The following WIPF3 variants were observed in gnomAD, a reference collection of about 807,000 sequenced individuals.
WIPF3 encodes WAS/WASL-interacting protein family member 3.
WIPF3 carries 33 observed loss-of-function variants against 38.9 expected under a neutral mutation model. That is an observed-to-expected ratio of 0.85 (90% CI 0.64 to 1.14). WIPF3 has a LOEUF of 1.14. Ranked by LOEUF, WIPF3 falls within the 50% of genes most tolerant of loss-of-function variation. The pLI, the probability that WIPF3 is intolerant of heterozygous loss-of-function variation, is 0.00. For missense variants in WIPF3, 711 were observed against 652.5 expected, an observed-to-expected ratio of 1.09 and a Z score of -0.98; for synonymous variants, 324 against 269.3, an observed-to-expected ratio of 1.20 and a Z score of -1.99.
intron 1 of WIPF3, among the ~76,000 whole-genome samples, chr7:29,811,342 T>A (rs551284249): frequency 2.2e-4 from 34 of 152,264 alleles, no homozygotes; most frequent in Non-Finnish European, 1.5e-5. Flanking sequence ...TTCCATAAAG[T>A]GTTCAAGGAG....
intron 1 of WIPF3, among the ~76,000 whole-genome samples, chr7:29,819,436 T>G (rs889891595): frequency 6.6e-6 from 1 of 152,078 alleles, no homozygotes; most frequent in Non-Finnish European, 1.5e-5. Context: ...GGTAAGATGG[T>G]TACTTATTTT....
chr7:29,884,177 C>T lies in WIPF3; in HGVS notation c.683C>T (p.Pro228Leu). Residue 228 changes from proline to leucine, a missense_variant, in exon 5 of 9, where the codon CCG becomes CTG. Physicochemically the swap from Pro to Leu is moderately conservative, Grantham distance 98 (BLOSUM62 -3). Coordinates refer to ENST00000242140, the MANE Select transcript of WIPF3 (RefSeq NM_001080529.3). Reference protein sequence around the residue: ...PVPCAPPPPPPPPPPTPPPLP... With the variant: ...PVPCAPPPPPLPPPPTPPPLP... ...CCCTGTGCGCCACCACCTCCACCTC[C>T]GCCACCTCCCCCAACGCCACCCCCG... 6.6e-7 allele frequency: 1 copy of T among 1,525,112 alleles called. No homozygotes were observed. Among genetic ancestry groups the T allele is most frequent in the South Asian group, 1.2e-5 (1 of 81,162 alleles). 94.5% of individuals were successfully genotyped at this position (1,525,112 alleles called of 1,614,324 possible).
At chr7:29,852,277 A>G (rs80156398) in intron 2 of WIPF3, among the ~76,000 whole-genome samples, 1 of 152,248 alleles carries the variant, frequency 6.6e-6, no homozygotes, top group Non-Finnish European at 1.5e-5. Context: ...AAGCATAGGC[A>G]TGAGCCACGA....
chr7:29,879,240 C>A, intron 4 of WIPF3, 100 bp downstream of exon 4: 1 of 1,429,732 alleles, frequency 7.0e-7, no homozygotes, highest in Non-Finnish European at 9.6e-7. Context: ...CATGGTTTTA[C>A]TGAACGGGCA....
At chr7:29,902,444 C>A (rs559651946) in intron 7 of WIPF3, among the ~76,000 whole-genome samples, 1 of 151,872 alleles carries the variant, frequency 6.6e-6, no homozygotes, top group South Asian at 2.1e-4. Context: ...TTTTAGAGAC[C>A]CTTCTACGTG....
chr7:29,813,540 G>A (rs1166632101), intron 1 of WIPF3, among the ~76,000 whole-genome samples: 1 of 152,090 alleles, frequency 6.6e-6, no homozygotes, highest in East Asian at 1.9e-4. Flanking sequence ...GTAACTTATG[G>A]CACAATTAAG....
intron 1 of WIPF3, among the ~76,000 whole-genome samples, chr7:29,810,778 C>T (rs1784360498): frequency 6.6e-6 from 1 of 152,180 alleles, no homozygotes; most frequent in East Asian, 1.9e-4. Context: ...CATTTATTTG[C>T]TGTATGATCT....
At position 29,867,807 on chromosome 7, in the gene WIPF3, G is replaced by A. The variant is rs563205972; in HGVS notation, c.91-8023G>A. ...GGCTGAAATGTGACCTCAAAAAACA[G>A]CCACTTCTCTTCCCACACCTGCGTG... On this transcript the variant is annotated intron_variant, in intron 2 of 8. Transcript: ENST00000242140. Among the ~76,000 whole-genome samples the A allele has an allele frequency of 2.6e-5, 4 of 152,292 alleles. No homozygotes were observed. The East Asian group carries it at 7.7e-4, about 29-fold the overall frequency.
Position 29,878,651 on chromosome 7 carries a change from AG to A in WIPF3, c.224-357del, listed in dbSNP as rs1416309971. Among the ~76,000 whole-genome samples, 14 of 151,454 alleles carry A rather than the reference AG, an allele frequency of 9.2e-5. No homozygotes were observed. Among genetic ancestry groups the A allele is most frequent in the African/African-American group, 3.4e-4 (14 of 41,130 alleles). The stretch of plus-strand genomic sequence containing the variant: ...CCTCCATAGCCAAGTTGAAAATAAG[AG>A]CAGCTCTACACCTACCACATTTGGG... On this transcript the variant is annotated intron_variant, in intron 3 of 8. Coordinates refer to ENST00000242140, the MANE Select transcript of WIPF3 (RefSeq NM_001080529.3). The surrounding 1 kb of genome is among the most constrained non-coding windows in gnomAD (Gnocchi z 4.0).
chr7:29,909,481 A>G (rs542999988), intron 8 of WIPF3, among the ~76,000 whole-genome samples: 9 of 152,354 alleles, frequency 5.9e-5, no homozygotes, highest in Non-Finnish European at 1.3e-4. Flanking sequence ...TACTAATCCA[A>G]CTGAAATAAA....
At chr7:29,814,616 A>T (rs1784429028) in intron 1 of WIPF3, among the ~76,000 whole-genome samples, 3 of 152,108 alleles carry the variant, frequency 2.0e-5, no homozygotes, top group African/African-American at 7.2e-5. Context: ...TAGCTATTTG[A>T]TCTTGGGTGA....
At chr7:29,834,610 T>C in intron 1 of WIPF3, 58 bp from the exon 2 acceptor site, 2 of 1,351,646 alleles carry the variant, frequency 1.5e-6, no homozygotes, top group Non-Finnish European at 1.9e-6. Flanking sequence ...AAGATACACA[T>C]TTCCTGCATG....
At chr7:29,911,966 A>G (rs73305119) in intron 8 of WIPF3, among the ~76,000 whole-genome samples, 1,934 of 152,302 alleles carry the variant, frequency 0.013, 35 homozygotes, top group African/African-American at 0.043. Context: ...TTTGCATATC[A>G]AAGACAATAT....
intron 2 of WIPF3, among the ~76,000 whole-genome samples, chr7:29,854,973 A>G (rs953451808): frequency 1.3e-5 from 2 of 152,180 alleles, no homozygotes; most frequent in African/African-American, 2.4e-5. Context: ...CTCTGAGAAA[A>G]TAAGTGTCTG....
rs1562770163 is a variant in WIPF3, at chr7:29,820,834, A to G, written c.-57-13834A>G. 3.9e-5 allele frequency among the ~76,000 whole-genome samples: 6 copies of G among 152,200 alleles called. No individual in the cohort carries two copies. The South Asian group carries it at 1.0e-3, about 26-fold the overall frequency. ...ATTTTGATTTATTAACTTTAAAGGTATTATGCTTGAGTATAATAGCTAAGG... is the reference window on the plus strand; with the variant it reads ...ATTTTGATTTATTAACTTTAAAGGTGTTATGCTTGAGTATAATAGCTAAGG... On this transcript the variant is annotated intron_variant, in intron 1 of 8. Coordinates refer to ENST00000242140, the MANE Select transcript of WIPF3 (RefSeq NM_001080529.3).
chr7:29,842,581 C>T (rs1366211801), intron 2 of WIPF3, among the ~76,000 whole-genome samples: 1 of 152,082 alleles, frequency 6.6e-6, no homozygotes, highest in Admixed American at 6.6e-5. Context: ...AGTGGGCTTT[C>T]GAGTAGGAAA....
chr7:29,903,099 C>A (rs962215655), intron 7 of WIPF3, among the ~76,000 whole-genome samples: 4 of 151,892 alleles, frequency 2.6e-5, no homozygotes, highest in African/African-American at 9.7e-5. Context: ...TTAAGACCAG[C>A]CTGGGAAACA....
intron 2 of WIPF3, among the ~76,000 whole-genome samples, chr7:29,873,834 A>G (rs890604772): frequency 1.3e-5 from 2 of 152,164 alleles, no homozygotes; most frequent in Non-Finnish European, 2.9e-5. Flanking sequence ...CTGCCAGTGA[A>G]AATGTGGACT....
intron 2 of WIPF3, among the ~76,000 whole-genome samples, chr7:29,850,216 C>G (rs1785071750): frequency 6.6e-6 from 1 of 151,828 alleles, no homozygotes; most frequent in Non-Finnish European, 1.5e-5. Context: ...AGTTTTTGTT[C>G]TAAAAAAGTA....
Sources: gnomAD v4.1 joint callset for allele counts (sites outside exome capture counted in the v4.1 genomes callset) on GRCh38, gnomAD v4.1.1 for gene constraint, Gnocchi (gnomAD v3.1) non-coding constraint, MANE v1.5 for transcripts, NCBI Gene and HGNC (gene_info 2026-07-23, HGNC 2026-07-21) for gene names.